The following PBX1 variants were observed in gnomAD, a reference collection of about 807,000 sequenced individuals.
PBX1 encodes the protein PBX homeobox 1, also known as pre-B-cell leukemia transcription factor 1.
In PBX1, 6 loss-of-function variants were observed where a neutral mutation model predicts 53.4. That is an observed-to-expected ratio of 0.11 (90% confidence interval 0.06 to 0.22). The LOEUF (loss-of-function observed/expected upper bound fraction) is 0.22. Among genes scored for constraint, PBX1 ranks in the 10% least tolerant of loss-of-function variants. The pLI, the probability that PBX1 is intolerant of heterozygous loss-of-function variation, is 1.00. For missense variants in PBX1, 251 were observed against 551.4 expected, an observed-to-expected ratio of 0.46 and a Z score of 5.46; for synonymous variants, 204 against 212.3, an observed-to-expected ratio of 0.96 and a Z score of 0.34.
intron 2 of PBX1, among the ~76,000 whole-genome samples, chr1:164,620,207 AG>A (rs1019272261): frequency 1.3e-5 from 2 of 152,176 alleles, no homozygotes; most frequent in Non-Finnish European, 2.9e-5. Flanking sequence ...AAATCTTTAT[AG>A]AAAAACATGA....
intron 2 of PBX1, among the ~76,000 whole-genome samples, chr1:164,757,407 C>G (rs1666586804): frequency 6.6e-6 from 1 of 152,174 alleles, no homozygotes; most frequent in South Asian, 2.1e-4. Flanking sequence ...CGTATCTATT[C>G]AACTCACTGA....
At chr1:164,751,314 CAAAAA>C (rs527755578) in intron 2 of PBX1, among the ~76,000 whole-genome samples, 1 of 78,924 alleles carries the variant, frequency 1.3e-5, no homozygotes, top group African/African-American at 3.9e-5. Flanking sequence ...GACTCTGTCT[CAAAAA>C]AAAAAAAAAA....
At chr1:164,879,028 C>A (rs1349556071) in intron 2 of PBX1, among the ~76,000 whole-genome samples, 1 of 152,206 alleles carries the variant, frequency 6.6e-6, no homozygotes, top group African/African-American at 2.4e-5. Flanking sequence ...GCTGCACAGT[C>A]TCAGCTAAGC....
intron 2 of PBX1, among the ~76,000 whole-genome samples, chr1:164,704,631 T>C (rs1033800318): frequency 1.3e-5 from 2 of 149,826 alleles, no homozygotes; most frequent in Admixed American, 1.3e-4. Context: ...TACTATAGAA[T>C]TGGATGGATA....
chr1:164,759,422 G>C (rs1666695639), intron 2 of PBX1, among the ~76,000 whole-genome samples: 1 of 152,220 alleles, frequency 6.6e-6, no homozygotes, highest in Admixed American at 6.5e-5. Flanking sequence ...TAATGCCCAA[G>C]GAAGCCAAGA....
chr1:164,849,109 A>G lies in PBX1; in HGVS notation c.*2433A>G, dbSNP rs574586184. On this transcript the variant is annotated 3_prime_UTR_variant, in exon 9 of 9. Transcript: ENST00000420696. ...CCACGCAAGAACATGGTTGAATCAC[A>G]TTTGCTTGACTTAGGGCAAAGTACG... is the stretch of plus-strand genomic sequence containing the variant. The G allele has an allele frequency of 1.6e-4, 213 of 1,359,302 alleles. No homozygotes were observed. The highest frequency in any genetic ancestry group is 1.9e-4 in the Non-Finnish European group (203 of 1,054,522). 84.2% of individuals were successfully genotyped at this position (1,359,302 alleles called of 1,614,324 possible).
At chr1:164,801,211 G>A (rs748364376) in intron 4 of PBX1, among the ~76,000 whole-genome samples, 1 of 152,136 alleles carries the variant, frequency 6.6e-6, no homozygotes, top group Non-Finnish European at 1.5e-5. Context: ...TAGTAATGGA[G>A]TGGAAATAGG....
At chr1:164,626,065 C>A (rs1318225953) in intron 2 of PBX1, 1 of 1,035,816 alleles carries the variant, frequency 9.7e-7, no homozygotes, top group Non-Finnish European at 1.2e-6. Context: ...CCACACACCA[C>A]CACCCCAGTT....
At chr1:164,727,753 T>TA (rs1232475745) in intron 2 of PBX1, among the ~76,000 whole-genome samples, 1 of 152,216 alleles carries the variant, frequency 6.6e-6, no homozygotes, top group Non-Finnish European at 1.5e-5. Context: ...AAATGGTATA[T>TA]AAGGCTTCTT....
chr1:164,579,758 C>T (rs1484547649), intron 2 of PBX1, among the ~76,000 whole-genome samples: 1 of 152,146 alleles, frequency 6.6e-6, no homozygotes, highest in African/African-American at 2.4e-5. Context: ...TGAAACTGAA[C>T]AGAGAATGTC....
chr1:164,795,449 A>G (rs1029687091), intron 3 of PBX1, among the ~76,000 whole-genome samples: 5 of 152,224 alleles, frequency 3.3e-5, no homozygotes, highest in Non-Finnish European at 7.3e-5. Flanking sequence ...ATTCTAAATA[A>G]TAAAGATATT....
At chr1:164,598,951 C>T (rs142266607) in intron 2 of PBX1, among the ~76,000 whole-genome samples, 2 of 151,978 alleles carry the variant, frequency 1.3e-5, no homozygotes, top group South Asian at 4.2e-4. Context: ...TGTGGCTGAG[C>T]GTTAATTTGA....
rs1392551207 is a variant in PBX1 at position 164,583,338 on chromosome 1, T to G, written c.265+20027T>G. The stretch of plus-strand genomic sequence containing the variant: ...GAGAGTTTTCTGAGAGGAGAGAGGC[T>G]ATTGTCTTGTAGATTTGGTTTTTTG... On this transcript the variant is annotated intron_variant, in intron 2 of 8. Coordinates refer to ENST00000420696, the MANE Select transcript of PBX1 (RefSeq NM_002585.4). Among the ~76,000 whole-genome samples, 4 of 151,806 alleles carry G rather than the reference T, an allele frequency of 2.6e-5. No individual in the cohort carries two copies. The East Asian group carries it at 7.8e-4, about 29-fold the overall frequency.
At chr1:164,660,617 C>CA (rs993478733) in intron 2 of PBX1, among the ~76,000 whole-genome samples, 2 of 152,162 alleles carry the variant, frequency 1.3e-5, no homozygotes, top group Admixed American at 1.3e-4. Context: ...GTCTAGAGGT[C>CA]ACACTTAGTG....
At chr1:164,827,231 G>C (rs1005502076) in intron 8 of PBX1, among the ~76,000 whole-genome samples, 1 of 152,164 alleles carries the variant, frequency 6.6e-6, no homozygotes, top group African/African-American at 2.4e-5. Context: ...GAATTGTAAG[G>C]CTGGGAACTG....
At chr1:164,585,151 CCT>C (rs1337116433) in intron 2 of PBX1, among the ~76,000 whole-genome samples, 1 of 152,186 alleles carries the variant, frequency 6.6e-6, no homozygotes, top group East Asian at 1.9e-4. Context: ...TGGGCACACT[CCT>C]CACTCCTTCC....
At chr1:164,718,333 C>A (rs992036203) in intron 2 of PBX1, among the ~76,000 whole-genome samples, 4 of 152,134 alleles carry the variant, frequency 2.6e-5, no homozygotes, top group Non-Finnish European at 5.9e-5. Flanking sequence ...GATAGCCATG[C>A]CTGGGGTGAA....
chr1:164,721,965 A>G (rs775198110), intron 2 of PBX1, among the ~76,000 whole-genome samples: 3 of 152,364 alleles, frequency 2.0e-5, no homozygotes, highest in Non-Finnish European at 2.9e-5. Context: ...TGAAAGAAAT[A>G]GAAAATAAAT....
rs939834124 is a variant in PBX1, at chr1:164,848,132, A to G, written c.*1456A>G. The G allele has an allele frequency of 9.5e-7, 1 of 1,050,822 alleles. No individual in the cohort carries two copies. The highest frequency in any genetic ancestry group is 1.1e-6 in the Non-Finnish European group (1 of 870,280). The allele number at this position is 1,050,822 out of a possible 1,614,324, so 65.1% of individuals were successfully genotyped here. On this transcript the variant is annotated 3_prime_UTR_variant, in exon 9 of 9. Transcript: ENST00000420696. ...TTGAGGACCTGAGAATCATGGGGAA[A>G]GGGAAGGTAATGTTTTCATTGAAAT...
Sources: allele counts gnomAD v4.1 joint callset (sites outside exome capture counted in the v4.1 genomes callset), GRCh38; gene constraint gnomAD v4.1.1; transcripts MANE v1.5; gene names NCBI Gene and HGNC (gene_info 2026-07-23, HGNC 2026-07-21).